The following NIPAL2 variants were observed in gnomAD, a reference collection of about 807,000 sequenced individuals.
The protein encoded by NIPAL2 is NIPA-like protein 2.
NIPAL2 carries 43 observed loss-of-function variants against 48.9 expected under a neutral mutation model. That is an observed-to-expected ratio of 0.88 (90% CI 0.69 to 1.13). The LOEUF (loss-of-function observed/expected upper bound fraction) is 1.13. Among genes scored for constraint, NIPAL2 ranks in the 50% most tolerant of loss-of-function variants. NIPAL2 has a pLI of 0.00. For missense variants in NIPAL2, 446 were observed against 461.4 expected (o/e 0.97, Z 0.31); for synonymous variants, 167 against 174.6 (o/e 0.96, Z 0.34).
intron 3 of NIPAL2, among the ~76,000 whole-genome samples, chr8:98,247,953 G>A (rs570841256): frequency 2.0e-5 from 3 of 152,264 alleles, no homozygotes; most frequent in East Asian, 3.9e-4. Flanking sequence ...TCTGCCATTC[G>A]GCCTCTCTGT....
At position 98,294,152 on chromosome 8, in the gene NIPAL2, G is replaced by A. The variant is rs1252577029; in HGVS notation, c.-15C>T. 1.5e-5 allele frequency: 21 copies of A among 1,372,946 alleles called. No homozygotes were observed. The highest frequency in any genetic ancestry group is 1.9e-5 in the Non-Finnish European group (20 of 1,062,714). The allele number at this position is 1,372,946 out of a possible 1,614,324, so 85.0% of individuals were successfully genotyped here. A position where few individuals can be genotyped will look rare whatever the true frequency, so the allele number is the denominator to read the frequency against. On this transcript the variant is annotated 5_prime_UTR_variant, in exon 1 of 11. Transcript: ENST00000430223. The stretch of plus-strand genomic sequence containing the variant: ...ACCGCTGCCATGAGGTCTCGCTCCC[G>A]GCGCTCGGGCTCCGGCTCGGGCTGC...
At chr8:98,243,936 C>A (rs1813129978) in intron 3 of NIPAL2, among the ~76,000 whole-genome samples, 1 of 152,110 alleles carries the variant, frequency 6.6e-6, no homozygotes, top group African/African-American at 2.4e-5. Context: ...TAAGACTGTT[C>A]AATAACTGTT....
chr8:98,201,454 A>G (rs1187528822), intron 8 of NIPAL2, among the ~76,000 whole-genome samples: 1 of 152,038 alleles, frequency 6.6e-6, no homozygotes, highest in Non-Finnish European at 1.5e-5. Flanking sequence ...GTGTGACTAT[A>G]GCTCACTGTA....
intron 8 of NIPAL2, among the ~76,000 whole-genome samples, chr8:98,197,051 C>T (rs1810582082): frequency 6.7e-6 from 1 of 150,128 alleles, no homozygotes; most frequent in Non-Finnish European, 1.5e-5. Context: ...TCTTTAAGGG[C>T]ATTTCAAGTT....
intron 4 of NIPAL2, among the ~76,000 whole-genome samples, chr8:98,230,770 G>A (rs1812403605): frequency 6.6e-6 from 1 of 152,162 alleles, no homozygotes; most frequent in Non-Finnish European, 1.5e-5. Context: ...TCTGTTCACT[G>A]GCACCTCTAG....
chr8:98,214,218 T>TA (rs1392316296), intron 5 of NIPAL2, among the ~76,000 whole-genome samples: 2 of 151,752 alleles, frequency 1.3e-5, no homozygotes, highest in African/African-American at 4.8e-5. Flanking sequence ...GGCTGGAGTG[T>TA]AATGGCACAA....
intron 6 of NIPAL2, among the ~76,000 whole-genome samples, chr8:98,206,467 C>T (rs1285012111): frequency 1.3e-5 from 2 of 152,028 alleles, no homozygotes. Context: ...GGGCACACTT[C>T]CAAATTAGGC....
At chr8:98,265,860 T>C (rs1245721173) in intron 1 of NIPAL2, among the ~76,000 whole-genome samples, 1 of 151,188 alleles carries the variant, frequency 6.6e-6, no homozygotes, top group Non-Finnish European at 1.5e-5. Context: ...TTATTCACGA[T>C]AGCAAAGACT....
intron 6 of NIPAL2, among the ~76,000 whole-genome samples, chr8:98,208,790 C>T (rs1251141044): frequency 6.6e-6 from 1 of 152,126 alleles, no homozygotes; most frequent in Non-Finnish European, 1.5e-5. Context: ...GCAAAGTGGG[C>T]CACTCGCCAG....
chr8:98,266,309 A>G (rs1030769645), intron 1 of NIPAL2, among the ~76,000 whole-genome samples: 1 of 151,870 alleles, frequency 6.6e-6, no homozygotes, highest in African/African-American at 2.4e-5. Flanking sequence ...TGAAAAAAAA[A>G]AGTTATATTA....
chr8:98,193,146 T>G, intron 10 of NIPAL2, 56 bp from the exon 11 acceptor site: 1 of 1,396,032 alleles, frequency 7.2e-7, no homozygotes, highest in Non-Finnish European at 1.0e-6. Flanking sequence ...AAATAAGTCT[T>G]AATAATTTCT....
chr8:98,205,547 G>A (rs2130707601), intron 6 of NIPAL2, among the ~76,000 whole-genome samples: 1 of 152,052 alleles, frequency 6.6e-6, no homozygotes, highest in South Asian at 2.1e-4. Flanking sequence ...ATGCTGTGGA[G>A]GTTATAATTA....
At chr8:98,245,405 G>A (rs1048304097) in intron 3 of NIPAL2, among the ~76,000 whole-genome samples, 3 of 151,974 alleles carry the variant, frequency 2.0e-5, no homozygotes, top group Non-Finnish European at 4.4e-5. Flanking sequence ...ATCTTACAGC[G>A]GGAAAAGTTC....
At chr8:98,291,787 G>A (rs1352255112) in intron 1 of NIPAL2, among the ~76,000 whole-genome samples, 1 of 152,188 alleles carries the variant, frequency 6.6e-6, no homozygotes, top group Admixed American at 6.5e-5. Context: ...TCTGAGTAGT[G>A]CAAAGGGCAA....
chr8:98,259,641 G>A (rs907193449), intron 1 of NIPAL2, among the ~76,000 whole-genome samples: 2 of 152,172 alleles, frequency 1.3e-5, no homozygotes, highest in Admixed American at 6.5e-5. Flanking sequence ...GCGAAAGTAC[G>A]CTAGTTCCAA....
intron 8 of NIPAL2, among the ~76,000 whole-genome samples, chr8:98,196,428 G>A (rs1044582158): frequency 2.0e-5 from 3 of 152,206 alleles, no homozygotes; most frequent in African/African-American, 7.2e-5. Context: ...CCTCAGGCCA[G>A]CTGCTGCCAC....
At chr8:98,223,278 A>C (rs1352753049) in intron 4 of NIPAL2, among the ~76,000 whole-genome samples, 1 of 152,196 alleles carries the variant, frequency 6.6e-6, no homozygotes, top group African/African-American at 2.4e-5. Flanking sequence ...TCATAAACCT[A>C]TGTAAGGAAT....
chr8:98,226,188 T>A (rs1223664751), intron 4 of NIPAL2, among the ~76,000 whole-genome samples: 1 of 152,192 alleles, frequency 6.6e-6, no homozygotes, highest in African/African-American at 2.4e-5. Context: ...AAAGGTTACA[T>A]AACCTTGCCT....
chr8:98,197,131 C>T (rs555903275), intron 8 of NIPAL2, among the ~76,000 whole-genome samples: 10 of 144,248 alleles, frequency 6.9e-5, no homozygotes, highest in Non-Finnish European at 1.1e-4. Context: ...TGTACTTCTT[C>T]GTACAGGTGT....
Sources: allele counts gnomAD v4.1 joint callset (sites outside exome capture counted in the v4.1 genomes callset), GRCh38; gene constraint gnomAD v4.1.1; transcripts MANE v1.5; gene names NCBI Gene and HGNC (gene_info 2026-07-23, HGNC 2026-07-21).